The following COL9A3 variants were observed in gnomAD, a reference collection of about 807,000 sequenced individuals.
COL9A3 encodes the protein collagen alpha-3(IX) chain.
COL9A3 carries 82 observed loss-of-function variants against 110.2 expected under a neutral mutation model. That is an observed-to-expected ratio of 0.74 (90% CI 0.62 to 0.89). The LOEUF is 0.89. COL9A3 is among the 40% of genes least tolerant of loss of function. COL9A3 has a pLI of 0.00. For missense variants in COL9A3, 1,066 were observed against 981.3 expected (o/e 1.09, Z -1.15); for synonymous variants, 494 against 403.8 (o/e 1.22, Z -2.68).
intron 11 of COL9A3, 90 bp downstream of exon 11, chr20:62,824,591 A>G: frequency 7.4e-7 from 1 of 1,347,910 alleles, no homozygotes; most frequent in South Asian, 1.2e-5. Flanking sequence ...TGGCGGGTCC[A>G]GAAAGCTGGA....
Position 62,821,207 on chromosome 20 carries a change from C to A in COL9A3, c.336C>A (p.Pro112=). 1 of 1,613,192 alleles carries A rather than the reference C, an allele frequency of 6.2e-7. No homozygotes were observed. ...ERGSLGPPGP[P]GLGGKGLPGP... ...GAAGTCTGGGACCCCCGGGGCCGCC[C>A]GGGCTGGGGGTGAGTATGGAGTGTG... Residue 112 remains proline (P), a synonymous_variant, in exon 6 of 32, where the codon CCC becomes CCA. Coordinates refer to ENST00000649368, the MANE Select transcript of COL9A3 (RefSeq NM_001853.4).
chr20:62,819,411 G>A (rs2147197059), intron 4 of COL9A3, 118 bp downstream of exon 4: 2 of 1,020,888 alleles, frequency 2.0e-6, no homozygotes, highest in Non-Finnish European at 3.0e-6. Context: ...CCAGTCCTGA[G>A]AGAAGTCTCC....
intron 26 of COL9A3, among the ~76,000 whole-genome samples, chr20:62,833,816 G>A (rs774074956): frequency 1.3e-5 from 2 of 151,970 alleles, no homozygotes; most frequent in Non-Finnish European, 2.9e-5. Context: ...TCCTGCCTCA[G>A]CCTCCTGAGT....
At chr20:62,832,710 T>A in intron 25 of COL9A3, 1 of 363,338 alleles carries the variant, frequency 2.8e-6, no homozygotes, top group Non-Finnish European at 4.5e-6. Context: ...CTGCTCTCAC[T>A]TCTAGGCACA....
chr20:62,819,621 G>C (rs540762009), intron 4 of COL9A3, among the ~76,000 whole-genome samples: 1 of 152,200 alleles, frequency 6.6e-6, no homozygotes, highest in East Asian at 1.9e-4. Flanking sequence ...CCAGGGCCAC[G>C]GAGTTTTGTT....
chr20:62,821,588 A>T, intron 7 of COL9A3, 58 bp downstream of exon 7: 1 of 1,610,944 alleles, frequency 6.2e-7, no homozygotes, highest in Non-Finnish European at 8.5e-7. Flanking sequence ...AGAGCCTGCC[A>T]GGCTGGGATG....
chr20:62,834,606 C>G (rs932078589), intron 26 of COL9A3, among the ~76,000 whole-genome samples: 1 of 152,070 alleles, frequency 6.6e-6, no homozygotes, highest in Non-Finnish European at 1.5e-5. Flanking sequence ...TGCCTGGGGA[C>G]AAAAGACCTC....
At chr20:62,822,044 G>T in intron 8 of COL9A3, 67 bp from the exon 9 acceptor site, 1 of 993,814 alleles carries the variant, frequency 1.0e-6, no homozygotes, top group South Asian at 1.3e-5. Context: ...ACCTCCCTGG[G>T]AGAAGCCGGG....
chr20:62,822,514 A>C, intron 9 of COL9A3, 77 bp from the exon 10 acceptor site: 3 of 1,109,110 alleles, frequency 2.7e-6, no homozygotes, highest in Non-Finnish European at 3.5e-6. Flanking sequence ...GGTCCGTCAG[A>C]GAGTGGGTGG....
chr20:62,821,817 G>A lies in COL9A3; in HGVS notation c.423+7G>A, dbSNP rs766627139. The stretch of plus-strand genomic sequence containing the variant: ...CGGCCTCCGCGGCCCCCCGGTGAGT[G>A]GCTGTCCCAGAGCCCCTCAGAGTGT... On this transcript the variant is annotated splice_region_variant and intron_variant, in intron 8 of 31. Transcript: ENST00000649368. 6.3e-7 allele frequency: 1 copy of A among 1,587,168 alleles called. No homozygotes were observed. The highest frequency in any genetic ancestry group is 8.6e-7 in the Non-Finnish European group (1 of 1,158,816).
At chr20:62,828,866 G>A in intron 18 of COL9A3, 49 bp downstream of exon 18, 3 of 1,612,478 alleles carry the variant, frequency 1.9e-6, no homozygotes, top group African/African-American at 1.3e-5. Flanking sequence ...CTGGAGGGGA[G>A]TTCGGCCTCC....
chr20:62,836,832 C>A, intron 29 of COL9A3: 1 of 635,192 alleles, frequency 1.6e-6, no homozygotes, highest in Non-Finnish European at 2.8e-6. Flanking sequence ...CTGTGGCTGG[C>A]AGGGCAGGTC....
At chr20:62,829,382 G>C (rs574917674) in intron 19 of COL9A3, 73 bp from the exon 20 acceptor site, 11 of 1,593,560 alleles carry the variant, frequency 6.9e-6, no homozygotes, top group African/African-American at 2.7e-5. Context: ...CCCTGCCTGC[G>C]TGCACGCCCC....
intron 13 of COL9A3, 112 bp from the exon 14 acceptor site, chr20:62,826,092 G>A: frequency 8.0e-7 from 1 of 1,247,948 alleles, no homozygotes; most frequent in Non-Finnish European, 1.1e-6. Context: ...TGAGGCTGAG[G>A]GCTCATGGAA....
chr20:62,834,555 C>T (rs1463060201), intron 26 of COL9A3, among the ~76,000 whole-genome samples: 2 of 152,214 alleles, frequency 1.3e-5, no homozygotes, highest in African/African-American at 2.4e-5. Flanking sequence ...CCAGGGACCC[C>T]AGTCTCTGGC....
chr20:62,822,933 G>T (rs993166213), intron 10 of COL9A3, among the ~76,000 whole-genome samples: 7 of 152,322 alleles, frequency 4.6e-5, no homozygotes, highest in South Asian at 4.1e-4. Context: ...GAGCCATCCA[G>T]CTCCCCTGCG....
At position 62,824,951 on chromosome 20, in the gene COL9A3, C is replaced by T. The variant is rs1276613053; in HGVS notation, c.577-17C>T. On this transcript the variant is annotated splice_polypyrimidine_tract_variant and intron_variant, in intron 11 of 31. Coordinates refer to ENST00000649368, the MANE Select transcript of COL9A3 (RefSeq NM_001853.4). ...CGGGGGGTCTGGGTGGGGCAGTGAC[C>T]CCACATTTGCTTGCAGGGACCCACT... is the stretch of plus-strand genomic sequence containing the variant. 1.2e-6 allele frequency: 2 copies of T among 1,607,270 alleles called. No individual in the cohort carries two copies. Among genetic ancestry groups the T allele is most frequent in the East Asian group, 2.2e-5 (1 of 44,566 alleles).
chr20:62,825,903 G>T (rs1322993133), intron 13 of COL9A3, 33 bp downstream of exon 13: 12 of 1,551,926 alleles, frequency 7.7e-6, no homozygotes, highest in Non-Finnish European at 9.6e-6. Flanking sequence ...ATGGTGGGAT[G>T]GGAACTCAGC....
Position 62,821,214 on chromosome 20 carries a change from G to A in COL9A3, c.343G>A (p.Gly115Arg), listed in dbSNP as rs751398771. 1 of 1,613,326 alleles carries A rather than the reference G, an allele frequency of 6.2e-7. No individual in the cohort carries two copies. Residue 115 changes from glycine (G) to arginine (R), a missense_variant and splice_region_variant, in exon 6 of 32, where the codon GGG (glycine) becomes AGG (arginine). Coordinates refer to ENST00000649368, the MANE Select transcript of COL9A3 (RefSeq NM_001853.4). ...GGGACCCCCGGGGCCGCCCGGGCTG[G>A]GGGTGAGTATGGAGTGTGGTCCTCT... ...SLGPPGPPGL[G>R]GKGLPGPPGE... is the part of the protein sequence containing the mutation.
Sources: gnomAD v4.1 joint callset for allele counts (sites outside exome capture counted in the v4.1 genomes callset) on GRCh38, gnomAD v4.1.1 for gene constraint, MANE v1.5 for transcripts, NCBI Gene and HGNC (gene_info 2026-07-23, HGNC 2026-07-21) for gene names.